SLC4A4: variants seen among roughly 807,000 people sequenced by gnomAD.
The protein encoded by SLC4A4 is solute carrier family 4 member 4, also known as electrogenic sodium bicarbonate cotransporter 1.
In SLC4A4, 27 loss-of-function variants were observed where a neutral mutation model predicts 111.5. The observed-to-expected ratio is 0.24, with a 90% CI of 0.18 to 0.33. The LOEUF (loss-of-function observed/expected upper bound fraction) is 0.33. Ranked by LOEUF, SLC4A4 falls within the 10% of genes least tolerant of loss-of-function variation. The probability of loss-of-function intolerance (pLI) is 1.00; values close to 1 mark genes in which losing one functional copy is unlikely to be tolerated. For missense variants in SLC4A4, 909 were observed against 1,315.5 expected (o/e 0.69, Z 4.78); for synonymous variants, 443 against 463.4 (o/e 0.96, Z 0.57).
At chr4:71,516,252 C>T (rs895995207) in intron 16 of SLC4A4, among the ~76,000 whole-genome samples, 9 of 151,590 alleles carry the variant, frequency 5.9e-5, no homozygotes, top group East Asian at 1.9e-4. Context: ...CCCGCCACCA[C>T]GCCCGGCTAA....
chr4:71,326,497 A>G (rs79683452), intron 3 of SLC4A4, among the ~76,000 whole-genome samples: 2 of 152,012 alleles, frequency 1.3e-5, no homozygotes, highest in African/African-American at 4.8e-5. Flanking sequence ...GTGAATCATT[A>G]GGCAATTTAC....
At chr4:71,302,364 A>T (rs1725341369) in intron 3 of SLC4A4, among the ~76,000 whole-genome samples, 1 of 152,220 alleles carries the variant, frequency 6.6e-6, no homozygotes. Flanking sequence ...ATATTTCTAT[A>T]TAACTTAAAA....
chr4:71,190,345 G>A (rs1428258061), intron 1 of SLC4A4, among the ~76,000 whole-genome samples: 1 of 150,974 alleles, frequency 6.6e-6, no homozygotes, highest in Non-Finnish European at 1.5e-5. Context: ...TCCAGCAATA[G>A]GGATGGAGTC....
intron 23 of SLC4A4, among the ~76,000 whole-genome samples, chr4:71,562,682 C>T (rs113928144): frequency 0.016 from 2,470 of 151,584 alleles, 23 homozygotes; most frequent in Non-Finnish European, 0.026. Flanking sequence ...TACAGCACAC[C>T]GATGGGTCTT....
chr4:71,501,785 C>A (rs1730955521), intron 16 of SLC4A4, among the ~76,000 whole-genome samples: 1 of 151,680 alleles, frequency 6.6e-6, no homozygotes, highest in Non-Finnish European at 1.5e-5. Context: ...CCTCAGCCTC[C>A]CAGGTAGCTG....
chr4:71,231,354 T>C (rs953618543), intron 1 of SLC4A4, among the ~76,000 whole-genome samples: 1 of 152,192 alleles, frequency 6.6e-6, no homozygotes, highest in African/African-American at 2.4e-5. Context: ...CAAGACCCAA[T>C]GGCTGACAGT....
chr4:71,548,118 C>G (rs1426003992), intron 20 of SLC4A4, among the ~76,000 whole-genome samples: 1 of 151,826 alleles, frequency 6.6e-6, no homozygotes, highest in Non-Finnish European at 1.5e-5. Flanking sequence ...AATCTTGTCC[C>G]TCTTCCCTCA....
intron 1 of SLC4A4, among the ~76,000 whole-genome samples, chr4:71,085,419 A>T (rs1293572070): frequency 6.6e-6 from 1 of 151,786 alleles, no homozygotes; most frequent in East Asian, 1.9e-4. Context: ...ATTAGATCCC[A>T]TTTGTCAATG....
intron 19 of SLC4A4, among the ~76,000 whole-genome samples, 169 bp from the exon 20 acceptor site, chr4:71,547,479 A>G (rs900960607): frequency 1.3e-5 from 2 of 151,998 alleles, no homozygotes; most frequent in African/African-American, 4.8e-5. Context: ...TTTTATAGTT[A>G]CGTTGGGTTT....
intron 20 of SLC4A4, among the ~76,000 whole-genome samples, chr4:71,551,143 T>G (rs972871681): frequency 6.6e-6 from 1 of 151,896 alleles, no homozygotes; most frequent in Non-Finnish European, 1.5e-5. Flanking sequence ...AGGCACTTCC[T>G]TGAGCTTACT....
intron 6 of SLC4A4, among the ~76,000 whole-genome samples, chr4:71,361,538 G>A (rs768358415): frequency 2.0e-5 from 3 of 152,204 alleles, no homozygotes; most frequent in African/African-American, 4.8e-5. Context: ...TAGATTAACT[G>A]AGGCATTTCT....
At chr4:71,467,510 A>G (rs1300862460) in intron 13 of SLC4A4, among the ~76,000 whole-genome samples, 1 of 152,148 alleles carries the variant, frequency 6.6e-6, no homozygotes, top group Non-Finnish European at 1.5e-5. Context: ...TATAGATGAA[A>G]TAACAAGCAC....
chr4:71,527,604 C>T (rs113766220), intron 16 of SLC4A4, among the ~76,000 whole-genome samples: 98 of 151,826 alleles, frequency 6.5e-4, no homozygotes, highest in African/African-American at 2.2e-3. Flanking sequence ...TGTCCTCCAC[C>T]AGGGCCAGAG....
intron 3 of SLC4A4, among the ~76,000 whole-genome samples, chr4:71,319,208 A>G (rs937104407): frequency 6.6e-6 from 1 of 151,946 alleles, no homozygotes; most frequent in African/African-American, 2.4e-5. Context: ...CTTTCACCAC[A>G]TATTCTTTTT....
chr4:71,440,072 C>T (rs1724578456), intron 7 of SLC4A4, among the ~76,000 whole-genome samples: 2 of 152,130 alleles, frequency 1.3e-5, no homozygotes, highest in South Asian at 4.2e-4. Context: ...TTTTGCATAG[C>T]TTGTATCTTT....
rs1741803456 is a variant in SLC4A4 at position 71,075,967 on chromosome 4, A to AAATG, written c.-65+13182_-65+13183insGAAT. 2.1e-5 allele frequency among the ~76,000 whole-genome samples: 3 copies of AAATG among 141,060 alleles called. No individual in the cohort carries two copies. The South Asian group carries it at 6.4e-4, about 30-fold the overall frequency. The allele number at this position is 141,060 out of a possible 152,430, so 92.5% of individuals were successfully genotyped here. ...AGCGAGACTCCATCTCTAAATAAAT[A>AAATG]AATAAATAAATAAATAAATAAATAA... On this transcript the variant is annotated intron_variant, in intron 1 of 26. Coordinates refer to the SLC4A4 transcript ENST00000649996.
At chr4:71,560,276 A>T in intron 23 of SLC4A4, 22 bp downstream of exon 23, 4 of 1,590,504 alleles carry the variant, frequency 2.5e-6, no homozygotes, top group Non-Finnish European at 3.4e-6. Context: ...TCCAAATTCC[A>T]AAGGAAAGCT....
intron 6 of SLC4A4, among the ~76,000 whole-genome samples, chr4:71,366,986 G>T (rs903702673): frequency 6.6e-6 from 1 of 152,236 alleles, no homozygotes; most frequent in Non-Finnish European, 1.5e-5. Context: ...CACAGGTGCC[G>T]AGTCTCTCTG....
intron 1 of SLC4A4, among the ~76,000 whole-genome samples, chr4:71,077,644 G>A (rs1158939898): frequency 1.3e-5 from 2 of 152,162 alleles, no homozygotes; most frequent in Non-Finnish European, 2.9e-5. Context: ...ATGTGTTAGA[G>A]ACAATCAATA....
Sources: allele counts gnomAD v4.1 joint callset (sites outside exome capture counted in the v4.1 genomes callset), GRCh38; gene constraint gnomAD v4.1.1; transcripts MANE v1.5; gene names NCBI Gene and HGNC (gene_info 2026-07-23, HGNC 2026-07-21).